CPLX2: variants seen among roughly 807,000 people sequenced by gnomAD.
CPLX2 encodes complexin-2.
CPLX2 carries 5 observed loss-of-function variants against 16.3 expected under a neutral mutation model. The ratio of observed to expected loss-of-function variants is 0.31; its 90% CI spans 0.16 to 0.64. The LOEUF is 0.64. CPLX2 is among the 30% of genes least tolerant of loss of function. CPLX2 has a pLI of 0.79. For missense variants in CPLX2, 144 were observed against 181.4 expected (o/e 0.79, Z 1.18); for synonymous variants, 89 against 73.2 (o/e 1.22, Z -1.10).
chr5:175,847,451 C>T (rs898749412), intron 2 of CPLX2, among the ~76,000 whole-genome samples: 7 of 152,332 alleles, frequency 4.6e-5, no homozygotes, highest in East Asian at 3.9e-4. Flanking sequence ...TCCATCACGA[C>T]GTGCCTTCGC....
rs1162883489 is a variant in CPLX2 at position 175,849,271 on chromosome 5, T to G, written c.-88-29381T>G. Among the ~76,000 whole-genome samples, 1 of 152,188 alleles carries G rather than the reference T, an allele frequency of 6.6e-6. No individual in the cohort carries two copies. The highest frequency in any genetic ancestry group is 1.5e-5 in the Non-Finnish European group (1 of 68,032). ...CACCAGCCAGCAGCTCAAAGGGATG[T>G]CCGGCTACCCTTGGGTGAGGACAGG... On this transcript the variant is annotated intron_variant, in intron 2 of 4. Transcript: ENST00000359546. The surrounding 1 kb of genome is among the most constrained non-coding windows in gnomAD (Gnocchi z 4.4).
In CPLX2 at chr5:175,881,019, A is replaced by G. The variant is rs4867809; in HGVS notation, c.*974A>G. 69,264 of 152,724 alleles carry G rather than the reference A, an allele frequency of 0.45. 16,865 individuals carry two copies. The highest frequency in any genetic ancestry group is 0.54 in the East Asian group (2,787 of 5,170). 9.5% of individuals were successfully genotyped at this position (152,724 alleles called of 1,614,324 possible). On this transcript the variant is annotated 3_prime_UTR_variant, in exon 4 of 4. Transcript: ENST00000393745. ...GCCCCAAGCCTTTGGTGAGAAGCCA[A>G]TTCCCACTTGACAGAAGGCGTCCAT...
chr5:175,822,418 C>T (rs1368218868), intron 2 of CPLX2, among the ~76,000 whole-genome samples: 1 of 152,186 alleles, frequency 6.6e-6, no homozygotes, highest in African/African-American at 2.4e-5. Context: ...CTGGAAACAG[C>T]CTCCTAGGGC....
chr5:175,803,431 T>G (rs1758137800), intron 1 of CPLX2, among the ~76,000 whole-genome samples: 1 of 152,072 alleles, frequency 6.6e-6, no homozygotes, highest in South Asian at 2.1e-4. Flanking sequence ...CCGAGGAGGA[T>G]GAGGCTGTTT....
intron 1 of CPLX2, among the ~76,000 whole-genome samples, chr5:175,797,758 AG>A (rs1005854358): frequency 6.6e-6 from 1 of 152,080 alleles, no homozygotes; most frequent in East Asian, 1.9e-4. Context: ...CAGAGAAGGC[AG>A]GGGGGAGGGG....
At chr5:175,868,279 G>A (rs184348858), upstream of CPLX2, among the ~76,000 whole-genome samples, 3 of 152,252 alleles carry the variant, frequency 2.0e-5, no homozygotes, top group Admixed American at 6.5e-5. Context: ...GGCACCTTAC[G>A]CAAGCTCTCT....
At position 175,807,930 on chromosome 5, in the gene CPLX2, A is replaced by G. The variant is rs565700353; in HGVS notation, c.-168-1059A>G. Among the ~76,000 whole-genome samples, 16 of 152,340 alleles carry G rather than the reference A, an allele frequency of 1.1e-4. No homozygotes were observed. The South Asian group carries it at 3.3e-3, about 32-fold the overall frequency. On this transcript the variant is annotated intron_variant, in intron 1 of 4. Coordinates refer to the CPLX2 transcript ENST00000359546. ...TCTCCCTGATCTGGGCCAACCGTTC[A>G]TGCCTCTCATCCTTAGTCCTCACCT...
At chr5:175,835,728 CTTTTTTTTTTT>C (rs71575283) in intron 2 of CPLX2, among the ~76,000 whole-genome samples, 1 of 54,770 alleles carries the variant, frequency 1.8e-5, no homozygotes, top group African/African-American at 8.4e-5. Context: ...TATTTATTTA[CTTTTTTTTTTT>C]TTTTTTTTTT....
At chr5:175,863,865 G>A (rs1759414250) in intron 2 of CPLX2, among the ~76,000 whole-genome samples, 1 of 152,100 alleles carries the variant, frequency 6.6e-6, no homozygotes, top group African/African-American at 2.4e-5. Context: ...GGAGAGGCAG[G>A]GAGGAAGCCA....
Position 175,843,065 on chromosome 5 carries a change from T to C in CPLX2, c.-89+33997T>C, listed in dbSNP as rs114331663. On this transcript the variant is annotated intron_variant, in intron 2 of 4. Transcript: ENST00000359546. ...ACAGCAGGCTTGCCAGTGAAGGAGG[T>C]TACCAGCGAGATGAGTCAGCCAGCC... is the stretch of plus-strand genomic sequence containing the variant. 2.7e-3 allele frequency among the ~76,000 whole-genome samples: 411 copies of C among 152,072 alleles called. 1 individual carries two copies. Among genetic ancestry groups the C allele is most frequent in the African/African-American group, 9.4e-3 (390 of 41,488 alleles).
chr5:175,879,894 C>T lies in CPLX2; in HGVS notation c.254C>T (p.Ala85Val). ...KEEKEAEEKA[A>V]LEQPCEGSLT... ...GAGAAGGAAGCAGAGGAGAAAGCAG[C>T]CCTGGAGCAGCCCTGCGAGGGGAGC... The change falls in exon 4 of 4, where the codon GCC (alanine) becomes GTC (valine). Residue 85 changes from alanine to valine, a missense_variant. Ala to Val is a moderately conservative substitution (Grantham distance 64). Transcript: ENST00000393745. The T allele has an allele frequency of 6.2e-7, 1 of 1,613,488 alleles. No individual in the cohort carries two copies. Among genetic ancestry groups the T allele is most frequent in the East Asian group, 2.2e-5 (1 of 44,854 alleles).
At chr5:175,841,374 C>A (rs1056079072) in intron 2 of CPLX2, among the ~76,000 whole-genome samples, 3 of 142,074 alleles carry the variant, frequency 2.1e-5, no homozygotes, top group Admixed American at 7.0e-5. Flanking sequence ...GGCACCAGCA[C>A]ACAACAAAGC....
chr5:175,853,825 A>G (rs1759202087), intron 2 of CPLX2, among the ~76,000 whole-genome samples: 1 of 152,028 alleles, frequency 6.6e-6, no homozygotes, highest in Non-Finnish European at 1.5e-5. Flanking sequence ...TTCCCTCCCC[A>G]GCTTCCCCCT....
In CPLX2 at chr5:175,876,421, A is replaced by C. The variant is rs982592201; in HGVS notation, c.-88-2231A>C. 2.2e-4 allele frequency among the ~76,000 whole-genome samples: 33 copies of C among 152,290 alleles called. No homozygotes were observed. The Middle Eastern group carries it at 0.01, about 47-fold the overall frequency. On this transcript the variant is annotated intron_variant, in intron 1 of 3. Coordinates refer to ENST00000393745, the MANE Select transcript of CPLX2 (RefSeq NM_001008220.2). The stretch of plus-strand genomic sequence containing the variant: ...TTATGGGGAAGAGACAGGAGGAAGA[A>C]GAGGAGTCAGAAAAGGCAAAGGAAG...
Position 175,880,457 on chromosome 5 carries a change from C to T in CPLX2, c.*412C>T. 1 of 303,668 alleles carries T rather than the reference C, an allele frequency of 3.3e-6. No individual in the cohort carries two copies. The highest frequency in any genetic ancestry group is 3.0e-5 in the South Asian group (1 of 33,354). The allele number at this position is 303,668 out of a possible 1,614,324, so 18.8% of individuals were successfully genotyped here. On this transcript the variant is annotated 3_prime_UTR_variant, in exon 4 of 4. Transcript: ENST00000393745. Reference sequence around the variant, plus strand: ...TTGGCCTCTAACCCTCAGTGGGCCCCCAGGTCAGGGCAGGGGCACTGAGTG... The same window carrying T: ...TTGGCCTCTAACCCTCAGTGGGCCCTCAGGTCAGGGCAGGGGCACTGAGTG...
chr5:175,799,229 G>A (rs1036998243), intron 1 of CPLX2, among the ~76,000 whole-genome samples: 7 of 152,040 alleles, frequency 4.6e-5, no homozygotes, highest in East Asian at 3.9e-4. Context: ...AATCTGAATC[G>A]TGAGTTCCTA....
chr5:175,873,220 C>A, intron 1 of CPLX2, among the ~76,000 whole-genome samples: 1 of 151,084 alleles, frequency 6.6e-6, no homozygotes, highest in Non-Finnish European at 1.5e-5. Context: ...CTGCCGGCAA[C>A]CTGCTGGACC....
At chr5:175,863,583 T>C (rs1022270272) in intron 2 of CPLX2, among the ~76,000 whole-genome samples, 39 of 152,256 alleles carry the variant, frequency 2.6e-4, no homozygotes, top group Admixed American at 8.5e-4. Flanking sequence ...TGAAAATCCC[T>C]TCCTCTTCTG....
At chr5:175,878,558 G>A in intron 1 of CPLX2, 94 bp from the exon 2 acceptor site, 1 of 655,034 alleles carries the variant, frequency 1.5e-6, no homozygotes, top group Non-Finnish European at 2.7e-6. Flanking sequence ...TGGGTGCCTG[G>A]TGTCTGAACC....
Sources: gnomAD v4.1 joint callset for allele counts (sites outside exome capture counted in the v4.1 genomes callset) on GRCh38, gnomAD v4.1.1 for gene constraint, Gnocchi (gnomAD v3.1) non-coding constraint, MANE v1.5 for transcripts, NCBI Gene and HGNC (gene_info 2026-07-23, HGNC 2026-07-21) for gene names.